RAD52: variants seen among roughly 807,000 people sequenced by gnomAD.
The protein encoded by RAD52 is DNA repair protein RAD52 homolog.
Under a neutral mutation model 55.5 loss-of-function variants are expected in RAD52, and 47 were observed. That is an observed-to-expected ratio of 0.85 (90% CI 0.67 to 1.08). The LOEUF is 1.08. Among genes scored for constraint, RAD52 ranks in the 50% least tolerant of loss-of-function variants. The pLI, the probability that RAD52 is intolerant of heterozygous loss-of-function variation, is 0.00. For synonymous variants in RAD52, 184 were observed against 198.9 expected (o/e 0.92, Z 0.63); for missense variants, 468 against 522.8 (o/e 0.90, Z 1.02).
intron 1 of RAD52, among the ~76,000 whole-genome samples, chr12:965,057 G>A (rs1292489599): frequency 6.6e-6 from 1 of 151,886 alleles, no homozygotes; most frequent in Non-Finnish European, 1.5e-5. Context: ...TTGGCTCACT[G>A]CAACCTCTGC....
chr12:916,684 C>T lies in RAD52; in HGVS notation c.680G>A (p.Arg227Lys). The stretch of plus-strand genomic sequence containing the variant: ...CGCCGGTATCACAGCATGGCTGGGT[C>T]TGGAAGGGGAGGTCACCTGCTGCAG... ...PQLQQVTSPSRPSHAVIPADQ... is the reference protein window; with the variant it reads ...PQLQQVTSPSKPSHAVIPADQ... Residue 227 changes from arginine (R) to lysine (K), a missense_variant, in exon 8 of 12, where the codon AGA (arginine) becomes AAA (lysine). By Grantham distance (26) the Arg-to-Lys change is conservative (BLOSUM62 2). Coordinates refer to ENST00000358495, the MANE Select transcript of RAD52 (RefSeq NM_134424.4). 2 of 1,614,086 alleles carry T rather than the reference C, an allele frequency of 1.2e-6. No individual in the cohort carries two copies. The highest frequency in any genetic ancestry group is 1.7e-6 in the Non-Finnish European group (2 of 1,179,996).
chr12:942,397 C>A (rs1957966055), intron 1 of RAD52, among the ~76,000 whole-genome samples: 1 of 152,122 alleles, frequency 6.6e-6, no homozygotes, highest in Non-Finnish European at 1.5e-5. Context: ...TTAATTATAT[C>A]TCACACCATT....
At position 911,737 on chromosome 12, in the gene RAD52, T is replaced by C. The variant is rs1956096261; in HGVS notation, c.*1654A>G. Among the ~76,000 whole-genome samples, 1 of 152,216 alleles carries C rather than the reference T, an allele frequency of 6.6e-6. No homozygotes were observed. Among genetic ancestry groups the C allele is most frequent in the African/African-American group, 2.4e-5 (1 of 41,460 alleles). Reference sequence around the variant, plus strand: ...CGTCTAAAAAAATTATTAAATTGGCTGGGCGCAATGGCTCATGCCTATAAT... The same window carrying C: ...CGTCTAAAAAAATTATTAAATTGGCCGGGCGCAATGGCTCATGCCTATAAT... On this transcript the variant is annotated 3_prime_UTR_variant, in exon 12 of 12. Coordinates refer to ENST00000358495, the MANE Select transcript of RAD52 (RefSeq NM_134424.4).
chr12:944,209 G>T, intron 1 of RAD52, among the ~76,000 whole-genome samples: 1 of 150,478 alleles, frequency 6.6e-6, no homozygotes. Flanking sequence ...GAACGAGACT[G>T]TCTCAAAAAA....
At chr12:925,553 CAG>C (rs774157236) in intron 6 of RAD52, 28 bp from the exon 7 acceptor site, 1 of 1,552,710 alleles carries the variant, frequency 6.4e-7, no homozygotes, top group Non-Finnish European at 8.9e-7. Context: ...AAAGGTGAAA[CAG>C]GGTTAAGAAT....
intron 1 of RAD52, among the ~76,000 whole-genome samples, chr12:939,122 T>C (rs540125086): frequency 5.6e-4 from 84 of 148,954 alleles, no homozygotes; most frequent in Non-Finnish European, 1.8e-4. Context: ...AAAGCAAAAG[T>C]ACAAATTTAT....
At chr12:958,459 A>C (rs1056036603) in intron 1 of RAD52, among the ~76,000 whole-genome samples, 1 of 151,856 alleles carries the variant, frequency 6.6e-6, no homozygotes, top group Admixed American at 6.6e-5. Flanking sequence ...CAAGTGATCC[A>C]CCCGCCTTGG....
At chr12:933,947 TCACTACAAAAAA>T (rs1957473203) in intron 1 of RAD52, among the ~76,000 whole-genome samples, 1 of 151,570 alleles carries the variant, frequency 6.6e-6, no homozygotes, top group African/African-American at 2.4e-5. Flanking sequence ...CAAAACCCCA[TCACTACAAAAAA>T]TTTAAAAATT....
At chr12:976,468 C>T (rs1240331452) in intron 1 of RAD52, 1 of 152,212 alleles carries the variant, frequency 6.6e-6, no homozygotes, top group East Asian at 1.9e-4. Context: ...GCTTCTACTT[C>T]CTGTCTCTTG....
intron 1 of RAD52, among the ~76,000 whole-genome samples, chr12:964,794 C>A (rs1958735107): frequency 6.6e-6 from 1 of 152,004 alleles, no homozygotes; most frequent in South Asian, 2.1e-4. Context: ...CCAGGCTGGT[C>A]TCAAATTCCT....
rs546175541 is a variant in RAD52, at chr12:934,425, G to A, written c.-18-1349C>T. Among the ~76,000 whole-genome samples, 17 of 141,846 alleles carry A rather than the reference G, an allele frequency of 1.2e-4. No homozygotes were observed. In the South Asian group the frequency reaches 3.6e-3, roughly 30 times the overall value. 93.1% of individuals were successfully genotyped at this position (141,846 alleles called of 152,430 possible). ...TTGCAGTGAGCTGAGATTGTGCCAC[G>A]GCACTCCAGCCTGGGCGAGAGTGAG... On this transcript the variant is annotated intron_variant, in intron 1 of 11. Transcript: ENST00000358495.
At position 923,332 on chromosome 12, in the gene RAD52, C is replaced by A. The variant is rs142868893; in HGVS notation, c.543+2118G>T. ...AGGCAGGAGGATCACATGAGCCCAG[C>A]AGTTCATGACCAGCCCTGAGAAATT... On this transcript the variant is annotated intron_variant, in intron 7 of 11. Coordinates refer to ENST00000358495, the MANE Select transcript of RAD52 (RefSeq NM_134424.4). Among the ~76,000 whole-genome samples, 200 of 151,286 alleles carry A rather than the reference C, an allele frequency of 1.3e-3. 1 individual carries two copies. The highest frequency in any genetic ancestry group is 4.8e-3 in the African/African-American group (196 of 41,206).
chr12:931,893 T>G (rs1957343553), intron 2 of RAD52, among the ~76,000 whole-genome samples: 1 of 152,200 alleles, frequency 6.6e-6, no homozygotes, highest in Non-Finnish European at 1.5e-5. Context: ...AACACACTAC[T>G]GCTTGCTGAT....
chr12:987,095 T>C (rs761594437), intron 1 of RAD52, among the ~76,000 whole-genome samples: 1 of 152,112 alleles, frequency 6.6e-6, no homozygotes, highest in Non-Finnish European at 1.5e-5. Context: ...CTCGGCCTCC[T>C]GAGTAGTTGG....
chr12:967,405 A>G (rs2154121035), intron 1 of RAD52, among the ~76,000 whole-genome samples: 1 of 151,852 alleles, frequency 6.6e-6, no homozygotes, highest in African/African-American at 2.4e-5. Context: ...AAGTTCACAA[A>G]ACATATAAGT....
chr12:967,517 C>T (rs1482417664), intron 1 of RAD52, among the ~76,000 whole-genome samples: 1 of 151,988 alleles, frequency 6.6e-6, no homozygotes, highest in African/African-American at 2.4e-5. Flanking sequence ...AAGCACCATC[C>T]TGGATTTTAC....
intron 1 of RAD52, among the ~76,000 whole-genome samples, chr12:944,912 G>C (rs1216976025): frequency 1.3e-5 from 2 of 152,164 alleles, no homozygotes; most frequent in African/African-American, 4.8e-5. Context: ...CAGATCAAGA[G>C]GGAGATGTGA....
intron 1 of RAD52, among the ~76,000 whole-genome samples, chr12:949,192 A>C (rs141072506): frequency 6.6e-6 from 1 of 152,148 alleles, no homozygotes; most frequent in Non-Finnish European, 1.5e-5. Flanking sequence ...GCCCGGCGTC[A>C]AATTCCTTTT....
chr12:917,350 C>T (rs370256817), intron 7 of RAD52, among the ~76,000 whole-genome samples: 7 of 152,226 alleles, frequency 4.6e-5, no homozygotes, highest in African/African-American at 1.4e-4. Context: ...ATCTCATCAA[C>T]ATGAGAAGGG....
Sources: allele counts gnomAD v4.1 joint callset (sites outside exome capture counted in the v4.1 genomes callset), GRCh38; gene constraint gnomAD v4.1.1; transcripts MANE v1.5; gene names NCBI Gene and HGNC (gene_info 2026-07-23, HGNC 2026-07-21).